HECTD4: variants seen among roughly 807,000 people sequenced by gnomAD.
HECTD4 encodes the protein HECT domain E3 ubiquitin protein ligase 4, also known as probable E3 ubiquitin-protein ligase HECTD4.
Under a neutral mutation model 471.5 loss-of-function variants are expected in HECTD4, and 114 were observed. The ratio of observed to expected loss-of-function variants is 0.24; its 90% CI spans 0.21 to 0.28. The LOEUF (loss-of-function observed/expected upper bound fraction) is 0.28. Ranked by LOEUF, HECTD4 falls within the 10% of genes least tolerant of loss-of-function variation. The probability of loss-of-function intolerance (pLI) is 1.00; values close to 1 mark genes in which losing one functional copy is unlikely to be tolerated. For synonymous variants in HECTD4, 2,012 were observed against 2,256.0 expected (o/e 0.89, Z 3.07); for missense variants, 3,866 against 5,651.5 (o/e 0.68, Z 10.13).
At chr12:112,365,479 G>C (rs2036538812) in intron 1 of HECTD4, among the ~76,000 whole-genome samples, 1 of 152,136 alleles carries the variant, frequency 6.6e-6, no homozygotes. Flanking sequence ...TCACAAATCT[G>C]ATGTGTATTA....
In HECTD4 at chr12:112,381,153, TC is replaced by T. The variant is rs1172331685; in HGVS notation, c.177+798del. Among the ~76,000 whole-genome samples the T allele has an allele frequency of 6.6e-6, 1 of 152,088 alleles. No individual in the cohort carries two copies. Among genetic ancestry groups the T allele is most frequent in the Non-Finnish European group, 1.5e-5 (1 of 68,028 alleles). ...AACCCAAGTGAAGTCGATGGAAAGT[TC>T]CCACCAACCAGGCATATTTGGTTCC... On this transcript the variant is annotated intron_variant, in intron 1 of 75. Transcript: ENST00000682272. This position sits in a 1 kb window ranked among gnomAD's most constrained non-coding sequence, Gnocchi z 4.1.
At chr12:112,169,944 T>A (rs1566058790) in intron 69 of HECTD4, 3 of 566,734 alleles carry the variant, frequency 5.3e-6, no homozygotes, top group Non-Finnish European at 9.5e-6. Context: ...GCCCCCCAAC[T>A]CCTCTCTCGT....
intron 35 of HECTD4, 83 bp downstream of exon 35, chr12:112,236,862 A>G (rs2033519386): frequency 7.7e-7 from 1 of 1,300,198 alleles, no homozygotes; most frequent in African/African-American, 1.5e-5. Context: ...CTATTTTGAA[A>G]AGACAACCAC....
At chr12:112,214,376 G>A (rs2032853013) in intron 48 of HECTD4, among the ~76,000 whole-genome samples, 1 of 152,170 alleles carries the variant, frequency 6.6e-6, no homozygotes, top group African/African-American at 2.4e-5. Flanking sequence ...TATGGCTTAG[G>A]TACCACAGGA....
At chr12:112,298,254 G>T (rs2035084552) in intron 7 of HECTD4, among the ~76,000 whole-genome samples, 1 of 152,110 alleles carries the variant, frequency 6.6e-6, no homozygotes, top group Admixed American at 6.5e-5. Context: ...ATACTCTAAC[G>T]TATCTGTATG....
chr12:112,307,203 C>T (rs763045623), intron 6 of HECTD4, among the ~76,000 whole-genome samples: 2 of 152,194 alleles, frequency 1.3e-5, no homozygotes, highest in Non-Finnish European at 2.9e-5. Context: ...TTTCCCAAGG[C>T]GATCTCTGAC....
intron 59 of HECTD4, among the ~76,000 whole-genome samples, chr12:112,191,184 G>T (rs1442242034): frequency 2.0e-5 from 3 of 152,186 alleles, no homozygotes; most frequent in Admixed American, 2.0e-4. Flanking sequence ...CGCTTACTGG[G>T]GTGGATTTGG....
chr12:112,356,173 A>G (rs915925271), intron 1 of HECTD4, among the ~76,000 whole-genome samples: 2 of 152,212 alleles, frequency 1.3e-5, no homozygotes, highest in Non-Finnish European at 2.9e-5. Context: ...TTACTGTGTC[A>G]TAGATAAGCT....
intron 8 of HECTD4, among the ~76,000 whole-genome samples, chr12:112,282,195 A>G (rs2034659576): frequency 6.6e-6 from 1 of 152,166 alleles, no homozygotes; most frequent in Admixed American, 6.5e-5. Context: ...CATCCTGGCT[A>G]ACACGGTGAA....
At chr12:112,277,496 C>A (rs1202172229) in intron 9 of HECTD4, among the ~76,000 whole-genome samples, 2 of 152,198 alleles carry the variant, frequency 1.3e-5, no homozygotes, top group Non-Finnish European at 2.9e-5. Context: ...TGGACCACAT[C>A]ACTTCACCTG....
intron 1 of HECTD4, among the ~76,000 whole-genome samples, chr12:112,324,832 G>A (rs1326612656): frequency 6.6e-6 from 1 of 151,862 alleles, no homozygotes; most frequent in Non-Finnish European, 1.5e-5. Context: ...AAAGTTTTTG[G>A]CACTTTAAAA....
intron 43 of HECTD4, among the ~76,000 whole-genome samples, chr12:112,227,852 G>A (rs1322033849): frequency 6.6e-6 from 1 of 152,114 alleles, no homozygotes; most frequent in African/African-American, 2.4e-5. Context: ...CATTTCATTT[G>A]TATGCTAAAC....
intron 60 of HECTD4, among the ~76,000 whole-genome samples, chr12:112,189,550 C>CAAAAAAAAA (rs57209316): frequency 9.8e-4 from 30 of 30,464 alleles, no homozygotes; most frequent in African/African-American, 2.6e-3. Context: ...GACTCCGTCT[C>CAAAAAAAAA]AAAAAAAAAA....
chr12:112,354,463 C>T (rs1411235247), intron 1 of HECTD4, among the ~76,000 whole-genome samples: 1 of 152,062 alleles, frequency 6.6e-6, no homozygotes, highest in African/African-American at 2.4e-5. Context: ...TCTATTAAAA[C>T]CAAGGAGCAG....
At chr12:112,376,493 G>C (rs1255403974) in intron 1 of HECTD4, among the ~76,000 whole-genome samples, 2 of 152,090 alleles carry the variant, frequency 1.3e-5, no homozygotes, top group East Asian at 3.9e-4. Flanking sequence ...TGATCTGCCC[G>C]CCGTGGCCTC....
At position 112,310,779 on chromosome 12, in the gene HECTD4, T is replaced by C. The variant is rs145262031; in HGVS notation, c.917-1110A>G. Among the ~76,000 whole-genome samples the C allele has an allele frequency of 1.3e-3, 196 of 152,332 alleles. 1 individual carries two copies. The highest frequency in any genetic ancestry group is 4.5e-3 in the African/African-American group (187 of 41,578). ...TTAATTTAAAACTTATAGATTACAT[T>C]TATTCATCAATTTTTAGATTAAGGC... is the stretch of plus-strand genomic sequence containing the variant. On this transcript the variant is annotated intron_variant, in intron 4 of 75. Coordinates refer to ENST00000682272, the MANE Select transcript of HECTD4 (RefSeq NM_001388303.1).
rs977264675 is a variant in HECTD4 at position 112,381,267 on chromosome 12, C to A, written c.177+685G>T. ...TGAACCCGGGATGCTTGGCGACCCC[C>A]GGGGCACACAAAAAGGCCCTGCGGC... On this transcript the variant is annotated intron_variant, in intron 1 of 75. Coordinates refer to ENST00000682272, the MANE Select transcript of HECTD4 (RefSeq NM_001388303.1). The surrounding 1 kb of genome is among the most constrained non-coding windows in gnomAD (Gnocchi z 4.1). 6.6e-6 allele frequency among the ~76,000 whole-genome samples: 1 copy of A among 152,174 alleles called. No individual in the cohort carries two copies. Among genetic ancestry groups the A allele is most frequent in the Non-Finnish European group, 1.5e-5 (1 of 68,028 alleles).
In HECTD4 at chr12:112,239,344, C is replaced by T; in HGVS notation, c.5106-108G>A. On this transcript the variant is annotated intron_variant, in intron 33 of 75. Transcript: ENST00000682272. This position sits in a 1 kb window ranked among gnomAD's most constrained non-coding sequence, Gnocchi z 4.9. ...AAAACATGCTGGTGCAGCTCTTTCC[C>T]TACAACTTAGGATACTGCCATGTGC... 1.1e-6 allele frequency: 1 copy of T among 933,726 alleles called. No individual in the cohort carries two copies. The highest frequency in any genetic ancestry group is 2.1e-5 in the South Asian group (1 of 46,918). The allele number at this position is 933,726 out of a possible 1,614,324, so 57.8% of individuals were successfully genotyped here.
At chr12:112,356,085 GA>G in intron 1 of HECTD4, among the ~76,000 whole-genome samples, 1 of 152,168 alleles carries the variant, frequency 6.6e-6, no homozygotes, top group Admixed American at 6.5e-5. Flanking sequence ...GCAATTTCAT[GA>G]CCCTGAATAG....
Sources: allele counts gnomAD v4.1 joint callset (sites outside exome capture counted in the v4.1 genomes callset), GRCh38; gene constraint gnomAD v4.1.1; non-coding constraint Gnocchi (gnomAD v3.1); transcripts MANE v1.5; gene names NCBI Gene and HGNC (gene_info 2026-07-23, HGNC 2026-07-21).